Variants in SRC observed in about 807,000 individuals in gnomAD.
SRC encodes proto-oncogene tyrosine-protein kinase Src.
Under a neutral mutation model 62.9 loss-of-function variants are expected in SRC, and 13 were observed. That is an observed-to-expected ratio of 0.21 (90% confidence interval 0.13 to 0.33). SRC has a LOEUF of 0.33. Ranked by LOEUF, SRC falls within the 10% of genes least tolerant of loss-of-function variation. The pLI is 1.00. For missense variants in SRC, 457 were observed against 737.3 expected, an observed-to-expected ratio of 0.62 and a Z score of 4.40; for synonymous variants, 302 against 317.5, an observed-to-expected ratio of 0.95 and a Z score of 0.52.
At position 37,401,517 on chromosome 20, in the gene SRC, C is replaced by T. The variant is rs569520701; in HGVS notation, c.1040-85C>T. ...GCTGTGCTGGTTAAAGCAAGGCCAGCCACCTGGGAGGATGGGTTTTGGGAA... is the reference window on the plus strand; with the variant it reads ...GCTGTGCTGGTTAAAGCAAGGCCAGTCACCTGGGAGGATGGGTTTTGGGAA... On this transcript the variant is annotated intron_variant, in intron 10 of 13. Coordinates refer to ENST00000373578, the MANE Select transcript of SRC (RefSeq NM_198291.3). The T allele has an allele frequency of 2.2e-5, 23 of 1,053,924 alleles. No individual in the cohort carries two copies. In the Middle Eastern group the frequency reaches 8.2e-4, roughly 37 times the overall value. 65.3% of individuals were successfully genotyped at this position (1,053,924 alleles called of 1,614,324 possible).
rs2070425098 is a variant in SRC at position 37,384,781 on chromosome 20, A to AG, written c.250+382dup. On this transcript the variant is annotated intron_variant, in intron 4 of 13. Coordinates refer to ENST00000373578, the MANE Select transcript of SRC (RefSeq NM_198291.3). The surrounding 1 kb of genome is among the most constrained non-coding windows in gnomAD (Gnocchi z 6.7). Reference sequence around the variant, plus strand: ...GGGACGCGCGGCCCACGTGCGGCGGAGGGGCAGCTGGGTCGCTCGGGGAAC... The same window carrying AG: ...GGGACGCGCGGCCCACGTGCGGCGGAGGGGGCAGCTGGGTCGCTCGGGGAAC... Among the ~76,000 whole-genome samples the AG allele has an allele frequency of 6.6e-6, 1 of 152,002 alleles. No individual in the cohort carries two copies. Among genetic ancestry groups the AG allele is most frequent in the African/African-American group, 2.4e-5 (1 of 41,364 alleles).
At chr20:37,383,494 A>G (rs2070394667) in intron 3 of SRC, among the ~76,000 whole-genome samples, 1 of 151,748 alleles carries the variant, frequency 6.6e-6, no homozygotes, top group African/African-American at 2.4e-5. Flanking sequence ...CCCGGGACAT[A>G]GGCGTGGCTC....
At chr20:37,385,956 T>C (rs1465059656) in intron 4 of SRC, 119 bp from the exon 5 acceptor site, 2 of 769,032 alleles carry the variant, frequency 2.6e-6, no homozygotes, top group African/African-American at 3.4e-5. Flanking sequence ...GACTGTGTCT[T>C]TGGGCTGAGC....
intron 1 of SRC, among the ~76,000 whole-genome samples, chr20:37,361,218 G>A (rs911378997): frequency 1.3e-5 from 2 of 152,186 alleles, no homozygotes; most frequent in African/African-American, 2.4e-5. Flanking sequence ...GGGAGCTTGC[G>A]GCAGGCCCCC....
At chr20:37,391,579 C>T (rs1307599746) in intron 5 of SRC, among the ~76,000 whole-genome samples, 1 of 152,162 alleles carries the variant, frequency 6.6e-6, no homozygotes, top group African/African-American at 2.4e-5. Flanking sequence ...GCTGGCCAGG[C>T]GCGGTGGCTC....
In SRC at chr20:37,402,552, C is replaced by T; in HGVS notation, c.1234C>T (p.Arg412Trp). Residue 412 changes from arginine (R) to tryptophan (W), a missense_variant, in exon 12 of 14, where the codon CGG becomes TGG. By Grantham distance (101) the Arg-to-Trp change is moderately radical. Coordinates refer to ENST00000373578, the MANE Select transcript of SRC (RefSeq NM_198291.3). The surrounding 1 kb of genome is among the most constrained non-coding windows in gnomAD (Gnocchi z 6.2). The part of the protein sequence containing the change: ...VCKVADFGLA[R>W]LIEDNEYTAR... ...CAAAGTGGCGGACTTTGGGCTGGCT[C>T]GGCTCATTGAAGACAATGAGTACAC... The T allele has an allele frequency of 1.2e-6, 2 of 1,613,800 alleles. No homozygotes were observed. The highest frequency in any genetic ancestry group is 1.7e-6 in the Non-Finnish European group (2 of 1,179,866).
intron 1 of SRC, among the ~76,000 whole-genome samples, chr20:37,358,588 T>C (rs1210761609): frequency 1.3e-5 from 2 of 152,200 alleles, no homozygotes; most frequent in Admixed American, 1.3e-4. Context: ...TTGGAGGGCT[T>C]CCAGGCCCTG....
intron 2 of SRC, among the ~76,000 whole-genome samples, chr20:37,369,295 C>G (rs1196329755): frequency 6.6e-6 from 1 of 152,082 alleles, no homozygotes; most frequent in Non-Finnish European, 1.5e-5. Flanking sequence ...GGCTTCTGAG[C>G]CATGAACACG....
At chr20:37,399,417 A>G (rs2070705407) in intron 9 of SRC, among the ~76,000 whole-genome samples, 1 of 152,158 alleles carries the variant, frequency 6.6e-6, no homozygotes, top group African/African-American at 2.4e-5. Flanking sequence ...ACCAGTACAC[A>G]TTGCATTTGC....
chr20:37,404,510 C>T lies in SRC; in HGVS notation c.*1131C>T, dbSNP rs1274505251. 1 of 233,620 alleles carries T rather than the reference C, an allele frequency of 4.3e-6. No individual in the cohort carries two copies. Among genetic ancestry groups the T allele is most frequent in the Non-Finnish European group, 8.5e-6 (1 of 118,050 alleles). The allele number at this position is 233,620 out of a possible 1,614,324, so 14.5% of individuals were successfully genotyped here. ...TGTCCCGTGGCATTTCAATTCCTGGCCCTGTTCTCCTCCCCAAGTCGGCAC... is the reference window on the plus strand; with the variant it reads ...TGTCCCGTGGCATTTCAATTCCTGGTCCTGTTCTCCTCCCCAAGTCGGCAC... On this transcript the variant is annotated 3_prime_UTR_variant, in exon 14 of 14. Coordinates refer to ENST00000373578, the MANE Select transcript of SRC (RefSeq NM_198291.3).
chr20:37,375,976 T>A (rs1166950669), intron 2 of SRC, among the ~76,000 whole-genome samples: 1 of 152,102 alleles, frequency 6.6e-6, no homozygotes, highest in Non-Finnish European at 1.5e-5. Context: ...ACTAATCCCG[T>A]CATAAGGACT....
At chr20:37,353,058 C>T (rs1400673505) in intron 1 of SRC, among the ~76,000 whole-genome samples, 2 of 152,188 alleles carry the variant, frequency 1.3e-5, no homozygotes, top group African/African-American at 4.8e-5. Context: ...CTTTTTGCCT[C>T]TAAGGGAATA....
At chr20:37,394,021 C>T (rs761410895) in intron 6 of SRC, 28 bp downstream of exon 6, 14 of 1,606,576 alleles carry the variant, frequency 8.7e-6, no homozygotes, top group Admixed American at 3.3e-5. Context: ...CTGCCTCTAC[C>T]CGTCGTCCCT....
chr20:37,367,253 T>C (rs896959755), intron 2 of SRC, among the ~76,000 whole-genome samples: 7 of 151,128 alleles, frequency 4.6e-5, no homozygotes, highest in Non-Finnish European at 7.4e-5. Context: ...TTTTTTTTTT[T>C]TAAATTTGTG....
chr20:37,389,963 G>A (rs915318642), intron 5 of SRC, among the ~76,000 whole-genome samples: 3 of 152,158 alleles, frequency 2.0e-5, no homozygotes, highest in African/African-American at 7.2e-5. Flanking sequence ...CTGATGGCTT[G>A]ATGCTGCTGT....
chr20:37,364,718 G>A (rs375134585), intron 1 of SRC, among the ~76,000 whole-genome samples: 64 of 152,164 alleles, frequency 4.2e-4, no homozygotes, highest in African/African-American at 1.4e-3. Context: ...TTCCTCCCTC[G>A]GCCAGCCCAG....
chr20:37,360,499 G>A (rs955053656), intron 1 of SRC, among the ~76,000 whole-genome samples: 2 of 152,094 alleles, frequency 1.3e-5, no homozygotes, highest in African/African-American at 2.4e-5. Flanking sequence ...GCCTCCCAAA[G>A]TGCTGGATTA....
intron 2 of SRC, among the ~76,000 whole-genome samples, chr20:37,371,560 A>AT (rs1191100292): frequency 1.3e-5 from 2 of 151,142 alleles, no homozygotes; most frequent in Non-Finnish European, 3.0e-5. Flanking sequence ...ATTGCTTTTT[A>AT]TTTTTTATTT....
chr20:37,404,781 CGGCCTTTGGGTGTGT>C lies in SRC; in HGVS notation c.*1405_*1419del, dbSNP rs1429875985. 1 of 233,334 alleles carries C rather than the reference CGGCCTTTGGGTGTGT, an allele frequency of 4.3e-6. No homozygotes were observed. Among genetic ancestry groups the C allele is most frequent in the African/African-American group, 2.2e-5 (1 of 45,336 alleles). The allele number at this position is 233,334 out of a possible 1,614,324, so 14.5% of individuals were successfully genotyped here. On this transcript the variant is annotated 3_prime_UTR_variant, in exon 14 of 14. Transcript: ENST00000373578. ...CAGGAGACTGGGCTCTGGCTCTGTTCGGCCTTTGGGTGTGTGGTGGATTCTCCCTGGGCCTCAGTG... is the reference window on the plus strand; with the variant it reads ...CAGGAGACTGGGCTCTGGCTCTGTTCGGTGGATTCTCCCTGGGCCTCAGTG...
Sources: gnomAD v4.1 joint callset for allele counts (sites outside exome capture counted in the v4.1 genomes callset) on GRCh38, gnomAD v4.1.1 for gene constraint, Gnocchi (gnomAD v3.1) non-coding constraint, MANE v1.5 for transcripts, NCBI Gene and HGNC (gene_info 2026-07-23, HGNC 2026-07-21) for gene names.